The following NLRP5 variants were observed in gnomAD, a reference collection of about 807,000 sequenced individuals.
The protein encoded by NLRP5 is NACHT, LRR and PYD domains-containing protein 5.
In NLRP5, 93 loss-of-function variants were observed where a neutral mutation model predicts 113.1. That is an observed-to-expected ratio of 0.82 (90% CI 0.70 to 0.98). NLRP5 has a LOEUF of 0.98. NLRP5 is among the 50% of genes least tolerant of loss of function. NLRP5 has a pLI of 0.00. For synonymous variants in NLRP5, 751 were observed against 600.7 expected, an observed-to-expected ratio of 1.25 and a Z score of -3.66; for missense variants, 1,808 against 1,514.3, an observed-to-expected ratio of 1.19 and a Z score of -3.22.
chr19:56,028,292 G>A lies in NLRP5; in HGVS notation c.2059G>A (p.Ala687Thr), dbSNP rs752986992. The A allele has an allele frequency of 3.5e-5, 56 of 1,613,792 alleles. No homozygotes were observed. Among genetic ancestry groups the A allele is most frequent in the Middle Eastern group, 1.6e-4 (1 of 6,084 alleles). ...CACCACCCCAGGAGACACCCTGGAC[G>A]CCTTCCACTGTCTTTTCGAGACTCA... is the stretch of plus-strand genomic sequence containing the variant. Residue 687 changes from alanine to threonine, a missense_variant, in exon 7 of 15, where the codon GCC becomes ACC. Transcript: ENST00000390649.
In NLRP5 at chr19:56,033,718, C is replaced by T; in HGVS notation, c.2615+9C>T. On this transcript the variant is annotated intron_variant, in intron 9 of 14. Coordinates refer to ENST00000390649, the MANE Select transcript of NLRP5 (RefSeq NM_153447.4). ...TTGTTGGAGTCTTTGAGGTACGTCTCTGGTAGAGCTTTTGCCTTGTTTTTC... is the reference window on the plus strand; with the variant it reads ...TTGTTGGAGTCTTTGAGGTACGTCTTTGGTAGAGCTTTTGCCTTGTTTTTC... 6.3e-7 allele frequency: 1 copy of T among 1,593,158 alleles called. No individual in the cohort carries two copies. Among genetic ancestry groups the T allele is most frequent in the Non-Finnish European group, 8.5e-7 (1 of 1,170,182 alleles).
At chr19:56,050,705 C>A in intron 12 of NLRP5, 117 bp downstream of exon 12, 2 of 981,660 alleles carry the variant, frequency 2.0e-6, no homozygotes, top group Non-Finnish European at 3.0e-6. Context: ...GGTGAGCTGA[C>A]ACTCATTTTT....
intron 12 of NLRP5, among the ~76,000 whole-genome samples, chr19:56,052,615 A>G (rs28417059): frequency 0.14 from 20,849 of 151,976 alleles, 1,916 homozygotes; most frequent in African/African-American, 0.26. Flanking sequence ...AGGATGGACC[A>G]TCCCCCTCCC....
rs1983893177 is a variant in NLRP5 at position 56,050,497 on chromosome 19, C to T, written c.3037C>T (p.Leu1013=). The change falls in exon 12 of 15, where the codon CTG becomes TTG. Residue 1013 remains leucine (L), a synonymous_variant. Transcript: ENST00000390649. ...TATGGGTAACTCATGGCTGACGCAC[C>T]TGAGCCTTAGCATGAACCCTGTGGA... 6.2e-7 allele frequency: 1 copy of T among 1,613,732 alleles called. No homozygotes were observed. Among genetic ancestry groups the T allele is most frequent in the Admixed American group, 1.7e-5 (1 of 59,978 alleles).
In NLRP5 at chr19:56,024,714, C is replaced by T. The variant is rs143927105; in HGVS notation, c.680-2199C>T. Among the ~76,000 whole-genome samples, 535 of 151,490 alleles carry T rather than the reference C, an allele frequency of 3.5e-3. 6 individuals are homozygous for T. The highest frequency in any genetic ancestry group is 0.01 in the African/African-American group (426 of 41,254). ...TGGAGGCTGCAGTGAGCCAAGATCACGCTGCTGCACTCCAGCCTGGGCAAC... is the reference window on the plus strand; with the variant it reads ...TGGAGGCTGCAGTGAGCCAAGATCATGCTGCTGCACTCCAGCCTGGGCAAC... On this transcript the variant is annotated intron_variant, in intron 6 of 14. Coordinates refer to ENST00000390649, the MANE Select transcript of NLRP5 (RefSeq NM_153447.4).
intron 3 of NLRP5, among the ~76,000 whole-genome samples, chr19:56,009,355 A>AAAAAAAAAAAAC: frequency 6.7e-6 from 1 of 149,982 alleles, no homozygotes; most frequent in South Asian, 2.1e-4. Context: ...AAAAAAAAAA[A>AAAAAAAAAAAAC]AAAAGAGTTC....
chr19:56,057,316 C>T lies in NLRP5; in HGVS notation c.3300-924C>T, dbSNP rs552101572. Among the ~76,000 whole-genome samples the T allele has an allele frequency of 2.4e-4, 36 of 152,246 alleles. No individual in the cohort carries two copies. In the South Asian group the frequency reaches 3.5e-3, roughly 15 times the overall value. On this transcript the variant is annotated intron_variant, in intron 13 of 14. Transcript: ENST00000390649. Reference sequence around the variant, plus strand: ...AGCGTGCTCCCTTCAAAATAGAACACGCCTATAAAATGCCATTATTATATT... The same window carrying T: ...AGCGTGCTCCCTTCAAAATAGAACATGCCTATAAAATGCCATTATTATATT...
chr19:55,999,635 G>C (rs199475760), upstream of NLRP5: 20 of 975,900 alleles, frequency 2.0e-5, no homozygotes, highest in Non-Finnish European at 3.0e-5. Context: ...AAACCTCACA[G>C]TAACCCTTGA....
At chr19:56,004,138 G>T in intron 2 of NLRP5, 43 bp downstream of exon 2, 1 of 1,548,882 alleles carries the variant, frequency 6.5e-7, no homozygotes, top group South Asian at 1.2e-5. Flanking sequence ...GAGGGGAGGT[G>T]ATTTCAGGTT....
intron 4 of NLRP5, among the ~76,000 whole-genome samples, chr19:56,016,703 C>T (rs190409763): frequency 4.6e-5 from 7 of 152,180 alleles, no homozygotes; most frequent in African/African-American, 1.4e-4. Context: ...TCTGGTATTT[C>T]TCTGTGCCTG....
chr19:56,058,176 C>T lies in NLRP5; in HGVS notation c.3300-64C>T, dbSNP rs1443938235. The stretch of plus-strand genomic sequence containing the variant: ...AAAAAGTATCAAGGTGAAATTCATA[C>T]GGGTTGAATGAAGGGTCCATCATCG... On this transcript the variant is annotated intron_variant, in intron 13 of 14. Transcript: ENST00000390649. 35 of 1,216,686 alleles carry T rather than the reference C, an allele frequency of 2.9e-5. 1 individual carries two copies. The South Asian group carries it at 4.3e-4, about 15-fold the overall frequency. 75.4% of individuals were successfully genotyped at this position (1,216,686 alleles called of 1,614,324 possible).
chr19:55,998,620 T>C (rs1981419460), upstream of NLRP5, among the ~76,000 whole-genome samples: 1 of 147,508 alleles, frequency 6.8e-6, no homozygotes, highest in East Asian at 2.0e-4. Context: ...GCCACTGTAC[T>C]CCAGCCCGGG....
chr19:56,061,469 G>C lies in NLRP5; in HGVS notation c.3544G>C (p.Val1182Leu), dbSNP rs779422093. Residue 1182 changes from valine to leucine, a missense_variant, in exon 15 of 15, where the codon GTA becomes CTA. Coordinates refer to ENST00000390649, the MANE Select transcript of NLRP5 (RefSeq NM_153447.4). The stretch of plus-strand genomic sequence containing the variant: ...AGTGCAGCTACTCAAGCCCCGAGTC[G>C]TAATTGACGGTAGTTGGCATTCTTT... 10 of 1,614,012 alleles carry C rather than the reference G, an allele frequency of 6.2e-6. No individual in the cohort carries two copies. The highest frequency in any genetic ancestry group is 8.5e-7 in the Non-Finnish European group (1 of 1,179,872).
chr19:56,008,907 C>T (rs1274667809), intron 3 of NLRP5, 54 bp downstream of exon 3: 6 of 1,465,642 alleles, frequency 4.1e-6, no homozygotes, highest in East Asian at 4.6e-5. Flanking sequence ...ACATGGCAGC[C>T]AGTTTGCATC....
the NLRP5 span, chr19:55,988,611 T>C: frequency 1.6e-5 from 2 of 126,986 alleles, no homozygotes; most frequent in African/African-American, 5.3e-5. Context: ...ATCTTAAAAA[T>C]AAAATCACTG....
chr19:56,031,290 C>A (rs938768484), intron 7 of NLRP5, among the ~76,000 whole-genome samples: 1 of 152,114 alleles, frequency 6.6e-6, no homozygotes, highest in African/African-American at 2.4e-5. Flanking sequence ...CCCAGGCCCC[C>A]GGCAGCCTCC....
chr19:56,028,567 C>A, intron 7 of NLRP5, 58 bp downstream of exon 7: 2 of 1,489,618 alleles, frequency 1.3e-6, no homozygotes, highest in Non-Finnish European at 9.1e-7. Context: ...GTCTCTACTG[C>A]TGGGACTTGA....
chr19:55,995,120 A>G (rs1008273260), upstream of NLRP5, among the ~76,000 whole-genome samples: 3 of 152,154 alleles, frequency 2.0e-5, no homozygotes, highest in African/African-American at 2.4e-5. Context: ...CAGAAAACCA[A>G]ACACCACATG....
In NLRP5 at chr19:56,013,596, GTT is replaced by G. The variant is rs71183002; in HGVS notation, c.509-2126_509-2125del. Among the ~76,000 whole-genome samples, 23 of 59,286 alleles carry G rather than the reference GTT, an allele frequency of 3.9e-4. 2 individuals are homozygous for G. Among genetic ancestry groups the G allele is most frequent in the Admixed American group, 2.1e-3 (10 of 4,858 alleles). The allele number at this position is 59,286 out of a possible 152,430, so 38.9% of individuals were successfully genotyped here. On this transcript the variant is annotated intron_variant, in intron 3 of 14. Coordinates refer to ENST00000390649, the MANE Select transcript of NLRP5 (RefSeq NM_153447.4). The stretch of plus-strand genomic sequence containing the variant: ...CATTTATCACATGATGGACATTTGG[GTT>G]TTTTTTTTTTTTTTTTTTTGCTATT...
Sources: gnomAD v4.1 joint callset for allele counts (sites outside exome capture counted in the v4.1 genomes callset) on GRCh38, gnomAD v4.1.1 for gene constraint, MANE v1.5 for transcripts, NCBI Gene and HGNC (gene_info 2026-07-23, HGNC 2026-07-21) for gene names.